AGFG1: variants seen among roughly 807,000 people sequenced by gnomAD.
The protein encoded by AGFG1 is ArfGAP with FG repeats 1.
In AGFG1, 10 loss-of-function variants were observed where a neutral mutation model predicts 60.6. The observed-to-expected ratio is 0.16, with a 90% CI of 0.10 to 0.28. The LOEUF is 0.28. AGFG1 is among the 10% of genes least tolerant of loss of function. The pLI is 1.00. For synonymous variants in AGFG1, 247 were observed against 242.9 expected (o/e 1.02, Z -0.16); for missense variants, 537 against 676.5 (o/e 0.79, Z 2.29).
chr2:227,484,688 G>GTTTTTTTTTT lies in AGFG1; in HGVS notation c.168-6835_168-6826dup, dbSNP rs745570416. On this transcript the variant is annotated intron_variant, in intron 1 of 12. Coordinates refer to ENST00000310078, the MANE Select transcript of AGFG1 (RefSeq NM_004504.5). ...ATGAAGATCTCTTAGTTTTTTTTTTGTTTTTTTTTTTTTTTTTTTTTTTTT... is the reference window on the plus strand; with the variant it reads ...ATGAAGATCTCTTAGTTTTTTTTTTGTTTTTTTTTTTTTTTTTTTTTTTTTTTTTTTTTTT... 1.2e-3 allele frequency among the ~76,000 whole-genome samples: 29 copies of GTTTTTTTTTT among 25,110 alleles called. 1 individual carries two copies. Among genetic ancestry groups the GTTTTTTTTTT allele is most frequent in the East Asian group, 3.1e-3 (1 of 324 alleles). The allele number at this position is 25,110 out of a possible 152,430, so 16.5% of individuals were successfully genotyped here. A position where few individuals can be genotyped will look rare whatever the true frequency, so the allele number is the denominator to read the frequency against.
chr2:227,544,930 T>A (rs889224213), intron 10 of AGFG1, among the ~76,000 whole-genome samples: 1 of 152,146 alleles, frequency 6.6e-6, no homozygotes, highest in Non-Finnish European at 1.5e-5. Flanking sequence ...CTGACAATTA[T>A]GTATCTTGGC....
intron 10 of AGFG1, among the ~76,000 whole-genome samples, chr2:227,543,929 A>G (rs1015591608): frequency 1.3e-5 from 2 of 152,068 alleles, no homozygotes; most frequent in African/African-American, 2.4e-5. Context: ...CCATTATGTA[A>G]TGGTCTTCTT....
At chr2:227,499,315 TG>T (rs1691078010) in intron 2 of AGFG1, among the ~76,000 whole-genome samples, 1 of 152,086 alleles carries the variant, frequency 6.6e-6, no homozygotes, top group Non-Finnish European at 1.5e-5. Context: ...GTGGTTAAAA[TG>T]GGCTTTAAAA....
At chr2:227,497,761 T>TTTTTTTTTTTTTTTTTTTTTTTTTTTG in intron 2 of AGFG1, among the ~76,000 whole-genome samples, 1 of 65,160 alleles carries the variant, frequency 1.5e-5, no homozygotes, top group Non-Finnish European at 3.3e-5. Context: ...TTTTTTTTTT[T>TTTTTTTTTTTTTTTTTTTTTTTTTTTG]GGGGACGGAG....
In AGFG1 at chr2:227,472,317, C is replaced by A; in HGVS notation, c.-105C>A. ...GTCCGGCGCGGGCGGCGCGCGCAGA[C>A]GGAGGGCGGCGGCCGCGGCCAGGGC... On this transcript the variant is annotated 5_prime_UTR_variant, in exon 1 of 13. Coordinates refer to ENST00000310078, the MANE Select transcript of AGFG1 (RefSeq NM_004504.5). 1 of 736,210 alleles carries A rather than the reference C, an allele frequency of 1.4e-6. No individual in the cohort carries two copies. Among genetic ancestry groups the A allele is most frequent in the Non-Finnish European group, 1.7e-6 (1 of 604,510 alleles). 45.6% of individuals were successfully genotyped at this position (736,210 alleles called of 1,614,324 possible). A position where few individuals can be genotyped will look rare whatever the true frequency, so the allele number is the denominator to read the frequency against.
chr2:227,487,289 A>G (rs1047363611), intron 1 of AGFG1, among the ~76,000 whole-genome samples: 7 of 152,114 alleles, frequency 4.6e-5, no homozygotes, highest in African/African-American at 1.7e-4. Context: ...TATTATAGAA[A>G]ACTTGGAGAG....
At chr2:227,537,038 T>A (rs1692335609) in intron 10 of AGFG1, 45 bp downstream of exon 10, 1 of 1,534,114 alleles carries the variant, frequency 6.5e-7, no homozygotes, top group African/African-American at 1.4e-5. Flanking sequence ...GGGAAGACAT[T>A]TATCAACAAA....
intron 10 of AGFG1, among the ~76,000 whole-genome samples, chr2:227,541,599 C>A (rs1692493896): frequency 1.3e-5 from 2 of 152,104 alleles, no homozygotes; most frequent in African/African-American, 4.8e-5. Flanking sequence ...TTACTGTAGC[C>A]TTGTAGTATA....
In AGFG1 at chr2:227,490,803, G is replaced by A. The variant is rs186340134; in HGVS notation, c.168-744G>A. On this transcript the variant is annotated intron_variant, in intron 1 of 12. Coordinates refer to ENST00000310078, the MANE Select transcript of AGFG1 (RefSeq NM_004504.5). ...ATCTGTTTGAGTGCATTTCCACTCGGTTTTTCATGTGCGTGTTCAAACATC... is the reference window on the plus strand; with the variant it reads ...ATCTGTTTGAGTGCATTTCCACTCGATTTTTCATGTGCGTGTTCAAACATC... 2.1e-3 allele frequency among the ~76,000 whole-genome samples: 322 copies of A among 152,226 alleles called. 2 individuals are homozygous for A. Among genetic ancestry groups the A allele is most frequent in the African/African-American group, 7.5e-3 (313 of 41,544 alleles).
At chr2:227,533,047 A>G (rs1692208673) in intron 6 of AGFG1, among the ~76,000 whole-genome samples, 1 of 152,210 alleles carries the variant, frequency 6.6e-6, no homozygotes, top group Non-Finnish European at 1.5e-5. Flanking sequence ...TGAAGTAAGT[A>G]TAAATGTCAA....
intron 1 of AGFG1, among the ~76,000 whole-genome samples, chr2:227,488,283 C>G (rs1690698965): frequency 6.6e-6 from 1 of 152,064 alleles, no homozygotes; most frequent in East Asian, 1.9e-4. Context: ...ATGATAGGGC[C>G]TGGGATATAT....
intron 6 of AGFG1, among the ~76,000 whole-genome samples, chr2:227,532,470 T>C (rs1374026624): frequency 6.6e-6 from 1 of 152,142 alleles, no homozygotes; most frequent in African/African-American, 2.4e-5. Flanking sequence ...GCCAGCTCCT[T>C]GTAACAGGTC....
intron 3 of AGFG1, among the ~76,000 whole-genome samples, chr2:227,520,492 T>C (rs897291983): frequency 6.6e-6 from 1 of 152,250 alleles, no homozygotes; most frequent in Non-Finnish European, 1.5e-5. Context: ...ATCCATCTAC[T>C]TAATTGTCTG....
At chr2:227,546,813 T>C (rs1168861643) in intron 10 of AGFG1, among the ~76,000 whole-genome samples, 1 of 152,164 alleles carries the variant, frequency 6.6e-6, no homozygotes, top group Non-Finnish European at 1.5e-5. Context: ...CTCTTAGGTC[T>C]CTCCTTTGTC....
chr2:227,486,029 TAG>T (rs1269581522), intron 1 of AGFG1, among the ~76,000 whole-genome samples: 1 of 152,206 alleles, frequency 6.6e-6, no homozygotes, highest in African/African-American at 2.4e-5. Flanking sequence ...TGCATTCCTT[TAG>T]AGAGAATTTG....
intron 2 of AGFG1, among the ~76,000 whole-genome samples, chr2:227,496,145 T>C (rs6436699): frequency 1 from 149,660 of 149,666 alleles, 74,827 homozygotes; most frequent in Middle Eastern, 1. Context: ...GAAGACATTA[T>C]TATTAATGCT....
chr2:227,483,091 C>T (rs573240203), intron 1 of AGFG1, among the ~76,000 whole-genome samples: 3 of 151,368 alleles, frequency 2.0e-5, no homozygotes, highest in African/African-American at 7.3e-5. Context: ...TTTACTTACC[C>T]AACACTTTCA....
chr2:227,531,198 C>T lies in AGFG1; in HGVS notation c.802C>T (p.Pro268Ser), dbSNP rs746474736. 1 of 1,613,516 alleles carries T rather than the reference C, an allele frequency of 6.2e-7. No individual in the cohort carries two copies. Among genetic ancestry groups the T allele is most frequent in the Non-Finnish European group, 8.5e-7 (1 of 1,179,684 alleles). ...CACAGCAAGTCACTCTCCTTTTCAG[C>T]CCCAAACTACAGGTAGAGCTTCTCC... Reference protein sequence around the residue: ...FPTASHSPFQPQTTGGSAASV... With the variant: ...FPTASHSPFQSQTTGGSAASV... Residue 268 changes from proline (P) to serine (S), a missense_variant, in exon 6 of 13, where the codon CCC (proline) becomes TCC (serine). Physicochemically the swap from Pro to Ser is moderately conservative, Grantham distance 74. This residue lies in a region of AGFG1 where 287 missense variants were observed against 343.6 expected (regional missense o/e 0.84). Transcript: ENST00000310078.
Position 227,507,641 on chromosome 2 carries a change from A to T in AGFG1, c.262-12307A>T, listed in dbSNP as rs998937297. Among the ~76,000 whole-genome samples, 4 of 148,216 alleles carry T rather than the reference A, an allele frequency of 2.7e-5. No individual in the cohort carries two copies. The South Asian group carries it at 6.3e-4, about 23-fold the overall frequency. On this transcript the variant is annotated intron_variant, in intron 2 of 12. Coordinates refer to ENST00000310078, the MANE Select transcript of AGFG1 (RefSeq NM_004504.5). ...AAAAAAAAAAAGCGCCTTTTCACTA[A>T]TTTTTTTTGTTTTGGAAAAAGCTGT...
Sources: gnomAD v4.1 joint callset for allele counts (sites outside exome capture counted in the v4.1 genomes callset) on GRCh38, gnomAD v4.1.1 for gene constraint, gnomAD v4.1.1 regional missense constraint, MANE v1.5 for transcripts, NCBI Gene and HGNC (gene_info 2026-07-23, HGNC 2026-07-21) for gene names.